Variants in BEGAIN observed in about 807,000 individuals in gnomAD.
BEGAIN encodes brain-enriched guanylate kinase-associated protein.
BEGAIN carries 19 observed loss-of-function variants against 35.8 expected under a neutral mutation model. The ratio of observed to expected loss-of-function variants is 0.53; its 90% CI spans 0.37 to 0.78. The LOEUF (loss-of-function observed/expected upper bound fraction) is 0.78. Among genes scored for constraint, BEGAIN ranks in the 30% least tolerant of loss-of-function variants. BEGAIN has a pLI of 0.00. For missense variants in BEGAIN, 795 were observed against 853.6 expected (o/e 0.93, Z 0.85); for synonymous variants, 462 against 388.6 (o/e 1.19, Z -2.22).
chr14:100,540,502 C>T lies in BEGAIN; in HGVS notation c.486G>A (p.Val162=). The T allele has an allele frequency of 6.3e-7, 1 of 1,598,118 alleles. No homozygotes were observed. Among genetic ancestry groups the T allele is most frequent in the Non-Finnish European group, 8.5e-7 (1 of 1,172,928 alleles). Residue 162 remains valine, a synonymous_variant, in exon 6 of 7, where the codon GTG becomes GTA. Transcript: ENST00000554140. ...CSQTYGRVHK[V]SELPSDFQER... is the part of the protein sequence containing the mutation. ...GGCTGCGGGGCCACGTTACCTCAGACACCTTGTGGACCCTGCCGTAGGTCT... is the reference window on the plus strand; with the variant it reads ...GGCTGCGGGGCCACGTTACCTCAGATACCTTGTGGACCCTGCCGTAGGTCT...
chr14:100,569,267 G>T (rs184926696), intron 1 of BEGAIN, among the ~76,000 whole-genome samples: 8 of 152,288 alleles, frequency 5.3e-5, no homozygotes, highest in South Asian at 2.1e-4. Context: ...TCCCTAAGGC[G>T]CCCGGATGGC....
rs760126971 is a variant in BEGAIN at position 100,539,235 on chromosome 14, C to T, written c.573G>A (p.Pro191=). 6.9e-6 allele frequency: 11 copies of T among 1,588,768 alleles called. No homozygotes were observed. Among genetic ancestry groups the T allele is most frequent in the South Asian group, 2.3e-5 (2 of 86,880 alleles). The change falls in exon 7 of 7, where the codon CCG becomes CCA. Residue 191 remains proline (P), a synonymous_variant. Coordinates refer to ENST00000554140, the MANE Select transcript of BEGAIN (RefSeq NM_001385089.1). Reference sequence around the variant, plus strand: ...AGGTGGGGACGCTGTCGGCGTAGGCCGGGTGGCAGAGCGGGGATGGCAGGC... The same window carrying T: ...AGGTGGGGACGCTGTCGGCGTAGGCTGGGTGGCAGAGCGGGGATGGCAGGC... ...GCSLPSPLCH[P]AYADSVPTCV... is the part of the protein sequence containing the mutation.
chr14:100,554,881 C>G (rs12432176), intron 2 of BEGAIN, among the ~76,000 whole-genome samples: 5 of 152,070 alleles, frequency 3.3e-5, no homozygotes, highest in Non-Finnish European at 7.4e-5. Context: ...CATTCCTGGC[C>G]CCCCCCACCT....
At chr14:100,542,403 G>A (rs2031761053) in intron 5 of BEGAIN, among the ~76,000 whole-genome samples, 1 of 152,198 alleles carries the variant, frequency 6.6e-6, no homozygotes, top group South Asian at 2.1e-4. Context: ...CTCCGTCCTG[G>A]GGCCTCCCTG....
At chr14:100,542,030 GT>G (rs1258603169) in intron 5 of BEGAIN, among the ~76,000 whole-genome samples, 1 of 152,194 alleles carries the variant, frequency 6.6e-6, no homozygotes, top group Non-Finnish European at 1.5e-5. Flanking sequence ...GTTTCCTCAT[GT>G]GCACCAACCC....
At position 100,538,799 on chromosome 14, in the gene BEGAIN, G is replaced by A; in HGVS notation, c.1009C>T (p.Leu337=). 1 of 1,600,014 alleles carries A rather than the reference G, an allele frequency of 6.2e-7. No individual in the cohort carries two copies. The highest frequency in any genetic ancestry group is 8.5e-7 in the Non-Finnish European group (1 of 1,175,184). The change falls in exon 7 of 7, where the codon CTG becomes TTG. Residue 337 remains leucine (L), a synonymous_variant. Coordinates refer to ENST00000554140, the MANE Select transcript of BEGAIN (RefSeq NM_001385089.1). ...TAGATGGCCTGCTGCGACGCGGTCA[G>A]CGTGCTGGCCTGCGCGTGCTCCTTC... ...EEKEHAQAST[L]TASQQAIYLN...
In BEGAIN at chr14:100,540,486, GC is replaced by G. The variant is rs759718545; in HGVS notation, c.492+9del. 45 of 1,582,800 alleles carry G rather than the reference GC, an allele frequency of 2.8e-5. No individual in the cohort carries two copies. In the South Asian group the frequency reaches 4.2e-4, roughly 15 times the overall value. Reference sequence around the variant, plus strand: ...GGGGCGGGGTGGGCCTGGCTGCGGGGCCACGTTACCTCAGACACCTTGTGGA... The same window carrying G: ...GGGGCGGGGTGGGCCTGGCTGCGGGGCACGTTACCTCAGACACCTTGTGGA... On this transcript the variant is annotated intron_variant, in intron 6 of 6. Coordinates refer to ENST00000554140, the MANE Select transcript of BEGAIN (RefSeq NM_001385089.1).
chr14:100,581,908 G>A, intron 1 of BEGAIN, among the ~76,000 whole-genome samples: 1 of 152,252 alleles, frequency 6.6e-6, no homozygotes, highest in East Asian at 1.9e-4. Context: ...GGGCAGGCAT[G>A]CCGGGCTTCT....
At chr14:100,576,224 C>T (rs2035198357) in intron 1 of BEGAIN, among the ~76,000 whole-genome samples, 1 of 152,120 alleles carries the variant, frequency 6.6e-6, no homozygotes, top group Non-Finnish European at 1.5e-5. Context: ...CCAGAACTTC[C>T]CACCCACCGG....
At chr14:100,539,409 C>T (rs1270658587) in intron 6 of BEGAIN, 94 bp from the exon 7 acceptor site, 1 of 1,477,114 alleles carries the variant, frequency 6.8e-7, no homozygotes, top group Admixed American at 2.5e-5. Context: ...TGATGTTAGC[C>T]ATGACCGACA....
In BEGAIN at chr14:100,537,983, T is replaced by G; in HGVS notation, c.1825A>C (p.Thr609Pro). 2 of 1,608,546 alleles carry G rather than the reference T, an allele frequency of 1.2e-6. No homozygotes were observed. The highest frequency in any genetic ancestry group is 8.5e-7 in the Non-Finnish European group (1 of 1,178,480). The change falls in exon 7 of 7, where the codon ACC becomes CCC. Residue 609 changes from threonine (T) to proline (P), a missense_variant. Thr to Pro is a conservative substitution (Grantham distance 38, BLOSUM62 -1). This residue lies in a region of BEGAIN where 664 missense variants were observed against 647.7 expected (regional missense o/e 1.03). Transcript: ENST00000554140. ...CACGCAGGCGCTCAGTTGAGCAAGG[T>G]TCCGTAGAGCTGGGCCTTGGTGAGG... ...DSLTKAQLYG[T>P]LLN
chr14:100,544,955 AAGG>A, intron 4 of BEGAIN, 42 bp downstream of exon 4: 8 of 1,590,974 alleles, frequency 5.0e-6, no homozygotes, highest in Non-Finnish European at 6.9e-6. Context: ...TCCCCCCGGG[AAGG>A]AGGTGTGGGG....
chr14:100,584,853 A>ATTCT (rs2035398631), intron 1 of BEGAIN, among the ~76,000 whole-genome samples: 1 of 152,094 alleles, frequency 6.6e-6, no homozygotes, highest in African/African-American at 2.4e-5. Context: ...GGGAGTCAGA[A>ATTCT]GAGAACCATG....
At chr14:100,557,419 C>A (rs942203044) in intron 2 of BEGAIN, among the ~76,000 whole-genome samples, 1 of 152,204 alleles carries the variant, frequency 6.6e-6, no homozygotes, top group African/African-American at 2.4e-5. Context: ...AGATCCCAGA[C>A]CCTCTGTGAT....
At chr14:100,549,512 C>T (rs2032955587) in intron 2 of BEGAIN, 1 of 152,434 alleles carries the variant, frequency 6.6e-6, no homozygotes, top group African/African-American at 2.4e-5. Flanking sequence ...GAACGTGTCC[C>T]CTCTGCCCAG....
Position 100,537,821 on chromosome 14 carries a change from G to C in BEGAIN, c.*148C>G, listed in dbSNP as rs1595099383. 1 of 1,250,360 alleles carries C rather than the reference G, an allele frequency of 8.0e-7. No individual in the cohort carries two copies. 77.5% of individuals were successfully genotyped at this position (1,250,360 alleles called of 1,614,324 possible). On this transcript the variant is annotated 3_prime_UTR_variant, in exon 7 of 7. Transcript: ENST00000554140. Reference sequence around the variant, plus strand: ...ACCCTCCCCTCAGGCCTACAGGGCTGGGGAGGAGAGGAGGTGCGGGGAGGA... The same window carrying C: ...ACCCTCCCCTCAGGCCTACAGGGCTCGGGAGGAGAGGAGGTGCGGGGAGGA...
chr14:100,551,318 G>A (rs150348213), intron 2 of BEGAIN, among the ~76,000 whole-genome samples: 109 of 152,264 alleles, frequency 7.2e-4, no homozygotes, highest in Middle Eastern at 3.4e-3. Flanking sequence ...GTTCTCTCTG[G>A]GGATCAGCTG....
chr14:100,562,631 T>G (rs1288628863), intron 2 of BEGAIN, among the ~76,000 whole-genome samples: 3 of 126,016 alleles, frequency 2.4e-5, no homozygotes, highest in African/African-American at 9.2e-5. Context: ...ACCTCTGCCC[T>G]CCTCCATGGC....
chr14:100,584,534 G>A (rs964072939), intron 1 of BEGAIN, among the ~76,000 whole-genome samples: 8 of 152,192 alleles, frequency 5.3e-5, no homozygotes, highest in African/African-American at 1.9e-4. Flanking sequence ...GGGTGCTTAG[G>A]TACAGCATGT....
Sources: allele counts gnomAD v4.1 joint callset (sites outside exome capture counted in the v4.1 genomes callset), GRCh38; gene constraint gnomAD v4.1.1; regional missense constraint gnomAD v4.1.1; transcripts MANE v1.5; gene names NCBI Gene and HGNC (gene_info 2026-07-23, HGNC 2026-07-21).